The following CRX variants were observed in gnomAD, a reference collection of about 807,000 sequenced individuals.
CRX encodes the protein cone-rod homeobox, also known as cone-rod homeobox protein.
Under a neutral mutation model 13.1 loss-of-function variants are expected in CRX, and 5 were observed. The ratio of observed to expected loss-of-function variants is 0.38; its 90% CI spans 0.20 to 0.80. The LOEUF is 0.80. Ranked by LOEUF, CRX falls within the 30% of genes least tolerant of loss-of-function variation. The pLI is 0.43. For synonymous variants in CRX, 179 were observed against 171.1 expected (o/e 1.05, Z -0.36); for missense variants, 351 against 391.8 (o/e 0.90, Z 0.88).
In CRX at chr19:47,840,012, C is replaced by G; in HGVS notation, c.*45C>G. 6.2e-7 allele frequency: 1 copy of G among 1,604,412 alleles called. No homozygotes were observed. Among genetic ancestry groups the G allele is most frequent in the Non-Finnish European group, 8.5e-7 (1 of 1,178,026 alleles). On this transcript the variant is annotated 3_prime_UTR_variant, in exon 4 of 4. Coordinates refer to ENST00000221996, the MANE Select transcript of CRX (RefSeq NM_000554.6). ...TCTCCATCGGGCCTCGGGACCCTTTCTCTTCTGAATCTGCTTCCCTGCAGT... is the reference window on the plus strand; with the variant it reads ...TCTCCATCGGGCCTCGGGACCCTTTGTCTTCTGAATCTGCTTCCCTGCAGT...
chr19:47,830,414 G>A (rs903324559), intron 1 of CRX, among the ~76,000 whole-genome samples: 1 of 151,640 alleles, frequency 6.6e-6, no homozygotes, highest in Non-Finnish European at 1.5e-5. Flanking sequence ...TTTCAAAGGA[G>A]AATTTGGGCC....
At chr19:47,825,695 G>A (rs530733146) in intron 1 of CRX, among the ~76,000 whole-genome samples, 76 of 151,146 alleles carry the variant, frequency 5.0e-4, no homozygotes, top group Non-Finnish European at 2.4e-4. Flanking sequence ...CGAGGTGGGC[G>A]GATCACCTGA....
chr19:47,823,807 G>A (rs1171823374), intron 1 of CRX, among the ~76,000 whole-genome samples: 2 of 151,992 alleles, frequency 1.3e-5, no homozygotes, highest in African/African-American at 2.4e-5. Context: ...GCACCACCAT[G>A]CCTGGCTTAT....
chr19:47,826,203 A>G (rs1967973488), intron 1 of CRX, among the ~76,000 whole-genome samples: 1 of 152,112 alleles, frequency 6.6e-6, no homozygotes, highest in Non-Finnish European at 1.5e-5. Flanking sequence ...GGCTGGGGGA[A>G]TAGGACCTTC....
Position 47,840,024 on chromosome 19 carries a change from T to G in CRX, c.*57T>G. ...CTCGGGACCCTTTCTCTTCTGAATCTGCTTCCCTGCAGTTTAGATCCCGGG... is the reference window on the plus strand; with the variant it reads ...CTCGGGACCCTTTCTCTTCTGAATCGGCTTCCCTGCAGTTTAGATCCCGGG... On this transcript the variant is annotated 3_prime_UTR_variant, in exon 4 of 4. Transcript: ENST00000221996. 1 of 1,595,446 alleles carries G rather than the reference T, an allele frequency of 6.3e-7. No homozygotes were observed. Among genetic ancestry groups the G allele is most frequent in the Non-Finnish European group, 8.5e-7 (1 of 1,172,560 alleles).
At chr19:47,836,956 G>A (rs919011970) in intron 3 of CRX, among the ~76,000 whole-genome samples, 6 of 152,104 alleles carry the variant, frequency 3.9e-5, no homozygotes, top group African/African-American at 7.2e-5. Flanking sequence ...GTAGGTGTGC[G>A]TGTGCATGTA....
intron 1 of CRX, among the ~76,000 whole-genome samples, chr19:47,826,783 TTA>T (rs1288016735): frequency 6.6e-6 from 1 of 152,210 alleles, no homozygotes; most frequent in Non-Finnish European, 1.5e-5. Context: ...TTCTGATCTC[TTA>T]TAGTTTCCAA....
chr19:47,823,190 C>T (rs963782380), intron 1 of CRX, among the ~76,000 whole-genome samples: 2 of 152,136 alleles, frequency 1.3e-5, no homozygotes, highest in African/African-American at 4.8e-5. Context: ...GCTGTATTCC[C>T]AGTGCTTGGG....
At position 47,840,313 on chromosome 19, in the gene CRX, C is replaced by A; in HGVS notation, c.*346C>A. The A allele has an allele frequency of 3.1e-6, 1 of 323,106 alleles. No homozygotes were observed. The highest frequency in any genetic ancestry group is 3.3e-5 in the South Asian group (1 of 30,168). The allele number at this position is 323,106 out of a possible 1,614,324, so 20.0% of individuals were successfully genotyped here. ...ACCAAACTTGCAGTTGATTTGGGGT[C>A]ATGTTTAGGTCAGAATCACCGTGCC... On this transcript the variant is annotated 3_prime_UTR_variant, in exon 4 of 4. Transcript: ENST00000221996.
At chr19:47,823,550 G>T (rs527768788) in intron 1 of CRX, among the ~76,000 whole-genome samples, 1 of 152,276 alleles carries the variant, frequency 6.6e-6, no homozygotes, top group Non-Finnish European at 1.5e-5. Flanking sequence ...GCCAACAGAG[G>T]CTGCAGAGAG....
In CRX at chr19:47,834,472, A is replaced by G. The variant is rs754630141; in HGVS notation, c.29A>G (p.His10Arg). The G allele has an allele frequency of 3.1e-6, 5 of 1,614,124 alleles. No homozygotes were observed. The highest frequency in any genetic ancestry group is 4.2e-6 in the Non-Finnish European group (5 of 1,180,012). Residue 10 changes from histidine (H) to arginine (R), a missense_variant, in exon 2 of 4, where the codon CAC becomes CGC. Physicochemically the swap from His to Arg is conservative, Grantham distance 29. Coordinates refer to ENST00000221996, the MANE Select transcript of CRX (RefSeq NM_000554.6). MMAYMNPGPHYSVNALALSG... is the reference protein window; with the variant it reads MMAYMNPGPRYSVNALALSG... The stretch of plus-strand genomic sequence containing the variant: ...ATGGCGTATATGAACCCGGGGCCCC[A>G]CTATTCTGTCAACGCCTTGGCCCTA...
At chr19:47,825,250 C>T (rs1214634636) in intron 1 of CRX, among the ~76,000 whole-genome samples, 1 of 151,824 alleles carries the variant, frequency 6.6e-6, no homozygotes, top group African/African-American at 2.4e-5. Flanking sequence ...AGTGCTGAGC[C>T]ACTGGCCTGG....
rs1163623725 is a variant in CRX, at chr19:47,828,381, G to A, written c.-35-6028G>A. Among the ~76,000 whole-genome samples, 3 of 152,014 alleles carry A rather than the reference G, an allele frequency of 2.0e-5. No homozygotes were observed. In the East Asian group the frequency reaches 5.8e-4, roughly 29 times the overall value. On this transcript the variant is annotated intron_variant, in intron 1 of 3. Transcript: ENST00000221996. Reference sequence around the variant, plus strand: ...CCTCATGTGAGGGATGAGAAGGAAAGGACAGTGAGAGGAACGGAAGAGTGG... The same window carrying A: ...CCTCATGTGAGGGATGAGAAGGAAAAGACAGTGAGAGGAACGGAAGAGTGG...
chr19:47,826,421 T>C (rs1184125323), intron 1 of CRX, among the ~76,000 whole-genome samples: 1 of 142,520 alleles, frequency 7.0e-6, no homozygotes, highest in Non-Finnish European at 1.6e-5. Context: ...CTGGGCAACA[T>C]GGCAAGACAC....
Position 47,834,443 on chromosome 19 carries a change from C to T in CRX, c.-1C>T. The T allele has an allele frequency of 6.2e-7, 1 of 1,613,522 alleles. No homozygotes were observed. The highest frequency in any genetic ancestry group is 8.5e-7 in the Non-Finnish European group (1 of 1,179,434). On this transcript the variant is annotated 5_prime_UTR_variant, in exon 2 of 4. Transcript: ENST00000221996. ...CTTGGGCCTCAGTGTCCCCGAAGAT[C>T]ATGATGGCGTATATGAACCCGGGGC...
At position 47,841,441 on chromosome 19, in the gene CRX, G is replaced by A. The variant is rs1369739856; in HGVS notation, c.*1474G>A. On this transcript the variant is annotated 3_prime_UTR_variant, in exon 4 of 4. Coordinates refer to ENST00000221996, the MANE Select transcript of CRX (RefSeq NM_000554.6). ...AGCTGCTTGGGACGTACCACCTATA[G>A]TTGTGGCTATTTCACAGAGAAGCAG... 4 of 152,088 alleles carry A rather than the reference G, an allele frequency of 2.6e-5. No homozygotes were observed. Among genetic ancestry groups the A allele is most frequent in the Admixed American group, 2.6e-4 (4 of 15,252 alleles). The allele number at this position is 152,088 out of a possible 1,614,324, so 9.4% of individuals were successfully genotyped here.
At position 47,839,192 on chromosome 19, in the gene CRX, T is replaced by C. The variant is rs1968158209; in HGVS notation, c.253-128T>C. ...GATGGGTGAATAGACGCCCCACAGC[T>C]GGATGCAAAGTAGACAGATGTGAAC... On this transcript the variant is annotated intron_variant, in intron 3 of 3. Coordinates refer to ENST00000221996, the MANE Select transcript of CRX (RefSeq NM_000554.6). This position sits in a 1 kb window ranked among gnomAD's most constrained non-coding sequence, Gnocchi z 4.6. 3.0e-6 allele frequency: 3 copies of C among 1,008,792 alleles called. No individual in the cohort carries two copies. Among genetic ancestry groups the C allele is most frequent in the Non-Finnish European group, 4.4e-6 (3 of 684,280 alleles). The allele number at this position is 1,008,792 out of a possible 1,614,324, so 62.5% of individuals were successfully genotyped here.
Position 47,839,422 on chromosome 19 carries a change from A to C in CRX, c.355A>C (p.Arg119=). ...GGQAKARPAK[R]KAGTSPRPST... ...CCAGGCCAAGGCCCGGCCTGCCAAG[A>C]GGAAGGCGGGCACGTCCCCAAGACC... is the stretch of plus-strand genomic sequence containing the variant. Residue 119 remains arginine (R), a synonymous_variant, in exon 4 of 4, where the codon AGG becomes CGG. Coordinates refer to ENST00000221996, the MANE Select transcript of CRX (RefSeq NM_000554.6). This position sits in a 1 kb window ranked among gnomAD's most constrained non-coding sequence, Gnocchi z 4.6. The C allele has an allele frequency of 6.2e-7, 1 of 1,613,806 alleles. No homozygotes were observed. The highest frequency in any genetic ancestry group is 8.5e-7 in the Non-Finnish European group (1 of 1,179,844).
At position 47,839,262 on chromosome 19, in the gene CRX, C is replaced by A. The variant is rs80125819; in HGVS notation, c.253-58C>A. ...AGTGTCCTCATCCCCGGGCACCCTG[C>A]GGCTCTCCTGGGCCTCTTCCCCACT... On this transcript the variant is annotated intron_variant, in intron 3 of 3. Transcript: ENST00000221996. The surrounding 1 kb of genome is among the most constrained non-coding windows in gnomAD (Gnocchi z 4.6). 1,039 of 1,563,206 alleles carry A rather than the reference C, an allele frequency of 6.6e-4. 2 individuals carry two copies. The African/African-American group carries it at 0.013, about 19-fold the overall frequency.
Sources: gnomAD v4.1 joint callset for allele counts (sites outside exome capture counted in the v4.1 genomes callset) on GRCh38, gnomAD v4.1.1 for gene constraint, Gnocchi (gnomAD v3.1) non-coding constraint, MANE v1.5 for transcripts, NCBI Gene and HGNC (gene_info 2026-07-23, HGNC 2026-07-21) for gene names.